CHD4: variants seen among roughly 807,000 people sequenced by gnomAD.
CHD4 encodes ATP-dependent chromatin remodeler CHD4.
A neutral mutation model predicts 235.5 loss-of-function variants in CHD4; 35 were observed. The observed-to-expected ratio is 0.15, with a 90% CI of 0.11 to 0.20. CHD4 has a LOEUF of 0.20. Among genes scored for constraint, CHD4 ranks in the 10% least tolerant of loss-of-function variants. CHD4 has a pLI of 1.00. For missense variants in CHD4, 1,329 were observed against 2,432.3 expected (o/e 0.55, Z 9.54); for synonymous variants, 900 against 850.2 (o/e 1.06, Z -1.02).
chr12:6,570,861 G>T lies in CHD4; in HGVS notation c.5721+8C>A, dbSNP rs1223823576. Reference sequence around the variant, plus strand: ...GAAGAGGTGGTGTCAAGAAGAAAATGGTCCTACCTGCTGTGGGGTAGGTTC... The same window carrying T: ...GAAGAGGTGGTGTCAAGAAGAAAATTGTCCTACCTGCTGTGGGGTAGGTTC... On this transcript the variant is annotated splice_region_variant and intron_variant, in intron 39 of 39. Coordinates refer to ENST00000544040, the MANE Select transcript of CHD4 (RefSeq NM_001273.5). 6.2e-7 allele frequency: 1 copy of T among 1,614,094 alleles called. No homozygotes were observed. The highest frequency in any genetic ancestry group is 8.5e-7 in the Non-Finnish European group (1 of 1,179,970).
At chr12:6,607,266 G>A (rs376798589) in intron 1 of CHD4, 34 bp downstream of exon 1, 6 of 151,962 alleles carry the variant, frequency 3.9e-5, no homozygotes, top group East Asian at 3.9e-4. Context: ...GGGCCGTGAG[G>A]GGCGTCTCTT....
At chr12:6,572,460 G>A (rs978030273) in intron 38 of CHD4, among the ~76,000 whole-genome samples, 3 of 151,574 alleles carry the variant, frequency 2.0e-5, no homozygotes, top group Non-Finnish European at 4.4e-5. Flanking sequence ...GCCAGGTACA[G>A]TGGCACATAT....
chr12:6,601,537 G>C lies in CHD4; in HGVS notation c.558-7C>G. ...TTTGGCAGCAATGAGGGGTCTGGTG[G>C]AGAAATGCACAAGAGCAGAGGGAAA... On this transcript the variant is annotated splice_region_variant and splice_polypyrimidine_tract_variant and intron_variant, in intron 5 of 39. Transcript: ENST00000544040. 6.2e-7 allele frequency: 1 copy of C among 1,614,170 alleles called. No homozygotes were observed. The highest frequency in any genetic ancestry group is 8.5e-7 in the Non-Finnish European group (1 of 1,180,018).
intron 34 of CHD4, 108 bp downstream of exon 34, chr12:6,578,738 T>C (rs775592584): frequency 7.4e-7 from 1 of 1,350,704 alleles, no homozygotes; most frequent in Non-Finnish European, 1.1e-6. Context: ...TCTTTTATCT[T>C]GGGATAAAAT....
chr12:6,581,066 T>TTCC lies in CHD4; in HGVS notation c.4884_4886dup (p.Glu1629dup). The TTCC allele has an allele frequency of 6.2e-7, 1 of 1,613,834 alleles. No individual in the cohort carries two copies. The highest frequency in any genetic ancestry group is 8.5e-7 in the Non-Finnish European group (1 of 1,179,932). On this transcript the variant is annotated inframe_insertion, in exon 33 of 40. Transcript: ENST00000544040. ...TACCTTTGGGCTCTGTCTCCATAGGTTCCTCTGTTCTCTCCTTCACCTCTG... is the reference window on the plus strand; with the variant it reads ...TACCTTTGGGCTCTGTCTCCATAGGTTCCTCCTCTGTTCTCTCCTTCACCTCTG...
chr12:6,597,782 A>C, intron 12 of CHD4, 112 bp downstream of exon 12: 5 of 999,954 alleles, frequency 5.0e-6, no homozygotes, highest in South Asian at 2.9e-5. Flanking sequence ...AAAAACAAAC[A>C]AAAAAAACCA....
At chr12:6,601,127 T>C (rs1012065377) in intron 6 of CHD4, 74 bp from the exon 7 acceptor site, 3 of 1,525,284 alleles carry the variant, frequency 2.0e-6, no homozygotes, top group Admixed American at 4.3e-5. Context: ...CCACCTAAGC[T>C]TGCTTCCCCA....
chr12:6,577,954 A>T, intron 36 of CHD4, 37 bp from the exon 37 acceptor site: 1 of 1,612,816 alleles, frequency 6.2e-7, no homozygotes. Flanking sequence ...AAAACAAGGA[A>T]AGTAAGAACC....
chr12:6,606,205 A>C, intron 2 of CHD4, 69 bp downstream of exon 2: 1 of 1,066,654 alleles, frequency 9.4e-7, no homozygotes, highest in Non-Finnish European at 1.4e-6. Flanking sequence ...GCCCTGCCTC[A>C]CCAGAGGAGT....
intron 35 of CHD4, 132 bp from the exon 36 acceptor site, chr12:6,578,269 C>T: frequency 7.3e-7 from 1 of 1,361,834 alleles, no homozygotes; most frequent in South Asian, 1.2e-5. Context: ...TTCTGGCTTT[C>T]TCCACAGAAC....
chr12:6,595,536 C>A, intron 13 of CHD4, 106 bp from the exon 14 acceptor site: 2 of 954,658 alleles, frequency 2.1e-6, no homozygotes, highest in Non-Finnish European at 3.2e-6. Flanking sequence ...TTTTGGGAGG[C>A]CAGCACTTTG....
chr12:6,606,887 G>C (rs1453410459), intron 1 of CHD4: 3 of 152,296 alleles, frequency 2.0e-5, no homozygotes. Flanking sequence ...CTGTCCTCTG[G>C]GACAACTCAG....
chr12:6,598,733 T>C (rs774057652), intron 10 of CHD4, among the ~76,000 whole-genome samples: 2 of 152,098 alleles, frequency 1.3e-5, no homozygotes, highest in African/African-American at 2.4e-5. Context: ...CACTTGAACC[T>C]GGGAGGCAGA....
intron 38 of CHD4, chr12:6,571,586 G>C (rs1009563304): frequency 1.3e-5 from 2 of 153,276 alleles, no homozygotes; most frequent in Non-Finnish European, 2.9e-5. Flanking sequence ...AGCACTTTGG[G>C]AGGCCAAGGC....
chr12:6,589,059 C>T (rs1263614174), intron 22 of CHD4, among the ~76,000 whole-genome samples: 1 of 151,960 alleles, frequency 6.6e-6, no homozygotes, highest in Non-Finnish European at 1.5e-5. Context: ...ACTAAGCTGG[C>T]CAACGTGGTG....
At chr12:6,583,539 A>G in intron 25 of CHD4, 161 bp from the exon 26 acceptor site, 1 of 612,658 alleles carries the variant, frequency 1.6e-6, no homozygotes, top group South Asian at 2.1e-5. Flanking sequence ...AATTTGATTG[A>G]GAGTACACAG....
In CHD4 at chr12:6,581,038, C is replaced by T. The variant is rs769651089; in HGVS notation, c.4909+6G>A. 3 of 1,613,044 alleles carry T rather than the reference C, an allele frequency of 1.9e-6. No homozygotes were observed. Among genetic ancestry groups the T allele is most frequent in the Admixed American group, 1.7e-5 (1 of 59,568 alleles). ...AAACAAACAAAAAAAATGTGGATAC[C>T]TTTACCTTTGGGCTCTGTCTCCATA... On this transcript the variant is annotated splice_donor_region_variant and intron_variant, in intron 33 of 39. Coordinates refer to ENST00000544040, the MANE Select transcript of CHD4 (RefSeq NM_001273.5).
At chr12:6,570,753 G>A (rs975912350) in intron 39 of CHD4, 60 bp from the exon 40 acceptor site, 1 of 1,613,318 alleles carries the variant, frequency 6.2e-7, no homozygotes, top group Admixed American at 1.7e-5. Context: ...CCAATCTCAA[G>A]GGAATTCACT....
intron 38 of CHD4, among the ~76,000 whole-genome samples, chr12:6,572,250 A>G (rs1947985976): frequency 6.6e-6 from 1 of 150,862 alleles, no homozygotes. Flanking sequence ...ACATGGTGAA[A>G]CTCCATCTCT....
Sources: allele counts gnomAD v4.1 joint callset (sites outside exome capture counted in the v4.1 genomes callset), GRCh38; gene constraint gnomAD v4.1.1; transcripts MANE v1.5; gene names NCBI Gene and HGNC (gene_info 2026-07-23, HGNC 2026-07-21).